RBMS3: variants seen among roughly 807,000 people sequenced by gnomAD.
RBMS3 encodes RNA binding motif single stranded interacting protein 3, also known as RNA-binding motif, single-stranded-interacting protein 3.
In RBMS3, 27 loss-of-function variants were observed where a neutral mutation model predicts 66.8. The observed-to-expected ratio is 0.40, with a 90% CI of 0.30 to 0.56. The LOEUF (loss-of-function observed/expected upper bound fraction) is 0.56. Ranked by LOEUF, RBMS3 falls within the 20% of genes least tolerant of loss-of-function variation. The pLI, the probability that RBMS3 is intolerant of heterozygous loss-of-function variation, is 0.40. For missense variants in RBMS3, 513 were observed against 549.5 expected (o/e 0.93, Z 0.66); for synonymous variants, 188 against 183.0 (o/e 1.03, Z -0.22).
chr3:29,872,946 T>C (rs952485135), intron 7 of RBMS3, among the ~76,000 whole-genome samples: 4 of 152,184 alleles, frequency 2.6e-5, no homozygotes, highest in Non-Finnish European at 5.9e-5. Context: ...TCCGTTGGTC[T>C]ATGTGCCTAT....
chr3:29,298,626 C>G (rs898939640), intron 1 of RBMS3, among the ~76,000 whole-genome samples: 1 of 150,908 alleles, frequency 6.6e-6, no homozygotes, highest in Non-Finnish European at 1.5e-5. Context: ...TATTTGGTTT[C>G]TTTTTGCTTA....
chr3:29,574,828 A>ACAC (rs2047062679), intron 3 of RBMS3, among the ~76,000 whole-genome samples: 1 of 146,850 alleles, frequency 6.8e-6, no homozygotes, highest in Non-Finnish European at 1.5e-5. Context: ...TGCATAAGAA[A>ACAC]ACACACACAC....
intron 4 of RBMS3, among the ~76,000 whole-genome samples, chr3:29,604,319 C>A (rs1293792824): frequency 6.6e-6 from 1 of 151,908 alleles, no homozygotes; most frequent in Non-Finnish European, 1.5e-5. Context: ...TTTTTAATAT[C>A]TTTAATGACA....
chr3:29,496,447 G>T (rs1232007831), intron 3 of RBMS3, among the ~76,000 whole-genome samples: 1 of 152,066 alleles, frequency 6.6e-6, no homozygotes, highest in Non-Finnish European at 1.5e-5. Context: ...CAGGAACTTT[G>T]GAACCTTCAT....
At chr3:29,358,678 A>G (rs991149060) in intron 1 of RBMS3, among the ~76,000 whole-genome samples, 3 of 152,148 alleles carry the variant, frequency 2.0e-5, no homozygotes, top group Non-Finnish European at 2.9e-5. Context: ...CTATCCATGA[A>G]CATGGAATGT....
chr3:29,281,369 A>T lies in RBMS3; in HGVS notation c.-313A>T. ...ACATCACTACAGACAGCCTGGTTAG[A>T]GAACAAACTGCCTCATCCCAAGTGG... On this transcript the variant is annotated 5_prime_UTR_variant, in exon 1 of 15. Coordinates refer to ENST00000383767, the MANE Select transcript of RBMS3 (RefSeq NM_001003793.3). 2.3e-6 allele frequency: 1 copy of T among 428,974 alleles called. No individual in the cohort carries two copies. The highest frequency in any genetic ancestry group is 4.1e-6 in the Non-Finnish European group (1 of 241,852). 26.6% of individuals were successfully genotyped at this position (428,974 alleles called of 1,614,324 possible).
intron 4 of RBMS3, among the ~76,000 whole-genome samples, chr3:29,645,754 G>A (rs1355043432): frequency 6.6e-6 from 1 of 152,140 alleles, no homozygotes; most frequent in Non-Finnish European, 1.5e-5. Context: ...CTTTCCAAGA[G>A]GACATTTGAT....
At chr3:29,870,876 C>T (rs80124905) in intron 7 of RBMS3, among the ~76,000 whole-genome samples, 3,352 of 152,062 alleles carry the variant, frequency 0.022, 61 homozygotes, top group East Asian at 0.071. Flanking sequence ...ATAGATTAGG[C>T]AGAGAGATAG....
rs941748443 is a variant in RBMS3, at chr3:29,525,014, A to G, written c.307+36515A>G. On this transcript the variant is annotated intron_variant, in intron 3 of 14. Coordinates refer to ENST00000383767, the MANE Select transcript of RBMS3 (RefSeq NM_001003793.3). The stretch of plus-strand genomic sequence containing the variant: ...GGGTGCGGTGAGCTATGATCATGGG[A>G]CCGCACTCTAGTCTGGGCTGCGGAG... Among the ~76,000 whole-genome samples the G allele has an allele frequency of 7.9e-5, 12 of 152,002 alleles. No homozygotes were observed. In the East Asian group the frequency reaches 2.3e-3, roughly 29 times the overall value.
chr3:29,636,930 A>G (rs1297962992), intron 4 of RBMS3, among the ~76,000 whole-genome samples: 1 of 151,856 alleles, frequency 6.6e-6, no homozygotes, highest in Non-Finnish European at 1.5e-5. Context: ...AAAGTAGCAA[A>G]TGGGTCATCT....
chr3:29,957,020 T>C (rs904142728), intron 12 of RBMS3, among the ~76,000 whole-genome samples: 3 of 152,110 alleles, frequency 2.0e-5, no homozygotes, highest in Admixed American at 6.6e-5. Flanking sequence ...CAAATCCTCA[T>C]CTAGAATGTG....
At chr3:29,945,694 G>T (rs921264577) in intron 12 of RBMS3, among the ~76,000 whole-genome samples, 1 of 151,650 alleles carries the variant, frequency 6.6e-6, no homozygotes, top group Non-Finnish European at 1.5e-5. Context: ...TTACTTTCAA[G>T]AACATAATGA....
At chr3:29,783,833 A>C (rs1478519187) in intron 6 of RBMS3, among the ~76,000 whole-genome samples, 1 of 152,098 alleles carries the variant, frequency 6.6e-6, no homozygotes, top group Non-Finnish European at 1.5e-5. Flanking sequence ...ACATAAACTT[A>C]AGGTAAAGGG....
intron 1 of RBMS3, among the ~76,000 whole-genome samples, chr3:29,430,169 T>G (rs2041124125): frequency 6.6e-6 from 1 of 152,142 alleles, no homozygotes; most frequent in African/African-American, 2.4e-5. Flanking sequence ...CAAAGAATGA[T>G]TTATAATGCT....
chr3:29,827,162 T>C (rs1167974194), intron 6 of RBMS3, among the ~76,000 whole-genome samples: 3 of 152,168 alleles, frequency 2.0e-5, no homozygotes, highest in African/African-American at 7.2e-5. Context: ...AGAACCTAGC[T>C]ATCCTTTTTG....
chr3:29,519,598 A>G (rs527835602), intron 3 of RBMS3, among the ~76,000 whole-genome samples: 2 of 152,260 alleles, frequency 1.3e-5, no homozygotes, highest in East Asian at 3.9e-4. Flanking sequence ...TAGTTAACTA[A>G]TTGACTGGCA....
chr3:29,733,989 A>T (rs1465571524), intron 4 of RBMS3, among the ~76,000 whole-genome samples: 1 of 152,028 alleles, frequency 6.6e-6, no homozygotes, highest in East Asian at 1.9e-4. Context: ...CAGTTTTTAT[A>T]GCACCATTTA....
intron 6 of RBMS3, among the ~76,000 whole-genome samples, chr3:29,837,788 G>A (rs1428212890): frequency 6.9e-6 from 1 of 144,684 alleles, no homozygotes; most frequent in African/African-American, 2.5e-5. Context: ...ATGTGTTCTG[G>A]CTGCCTGAGT....
intron 6 of RBMS3, among the ~76,000 whole-genome samples, chr3:29,809,462 C>G (rs935318826): frequency 1.3e-5 from 2 of 151,862 alleles, no homozygotes; most frequent in South Asian, 4.1e-4. Context: ...GTATGTATAT[C>G]TTTTTATTTT....
Sources: allele counts gnomAD v4.1 joint callset (sites outside exome capture counted in the v4.1 genomes callset), GRCh38; gene constraint gnomAD v4.1.1; transcripts MANE v1.5; gene names NCBI Gene and HGNC (gene_info 2026-07-23, HGNC 2026-07-21).